The following RNF157 variants were observed in gnomAD, a reference collection of about 807,000 sequenced individuals.
RNF157 encodes the protein E3 ubiquitin ligase RNF157.
RNF157 carries 55 observed loss-of-function variants against 88.3 expected under a neutral mutation model. The observed-to-expected ratio is 0.62, with a 90% confidence interval of 0.50 to 0.78. The LOEUF (loss-of-function observed/expected upper bound fraction) is 0.78. Ranked by LOEUF, RNF157 falls within the 30% of genes least tolerant of loss-of-function variation. The pLI is 0.00. For synonymous variants in RNF157, 334 were observed against 341.2 expected, an observed-to-expected ratio of 0.98 and a Z score of 0.23; for missense variants, 788 against 860.8, an observed-to-expected ratio of 0.92 and a Z score of 1.06.
intron 1 of RNF157, among the ~76,000 whole-genome samples, chr17:76,228,751 CCT>C (rs1397624678): frequency 2.6e-5 from 4 of 151,642 alleles, no homozygotes; most frequent in East Asian, 3.9e-4. Flanking sequence ...GGTGAAACCC[CCT>C]CTCTACTAAA....
At chr17:76,194,234 T>C (rs1243002616) in intron 2 of RNF157, among the ~76,000 whole-genome samples, 2 of 152,198 alleles carry the variant, frequency 1.3e-5, no homozygotes, top group Non-Finnish European at 2.9e-5. Flanking sequence ...AACTCCTCCA[T>C]GCACCCCAGT....
At position 76,226,448 on chromosome 17, in the gene RNF157, C is replaced by T; in HGVS notation, c.88+13705G>A. 6 of 1,601,936 alleles carry T rather than the reference C, an allele frequency of 3.7e-6. No individual in the cohort carries two copies. In the South Asian group the frequency reaches 5.5e-5, roughly 15 times the overall value. ...CTGGACTAGGGGGGCAAAGAGATTACAAGTGTCATCCAACGTGGTCAAAAG... is the reference window on the plus strand; with the variant it reads ...CTGGACTAGGGGGGCAAAGAGATTATAAGTGTCATCCAACGTGGTCAAAAG... On this transcript the variant is annotated intron_variant, in intron 1 of 18. Transcript: ENST00000269391.
intron 4 of RNF157, 29 bp downstream of exon 4, chr17:76,167,622 A>G (rs904856661): frequency 1.9e-6 from 3 of 1,613,198 alleles, no homozygotes; most frequent in East Asian, 2.2e-5. Context: ...TCTGGGAAGG[A>G]AGTGGCTCTC....
chr17:76,208,929 G>A (rs1479424803), intron 2 of RNF157, among the ~76,000 whole-genome samples: 4 of 151,380 alleles, frequency 2.6e-5, no homozygotes, highest in African/African-American at 9.7e-5. Context: ...AGCCAAGATC[G>A]TGCCACTGCA....
At chr17:76,230,935 C>CT (rs149390437) in intron 1 of RNF157, among the ~76,000 whole-genome samples, 5,588 of 132,612 alleles carry the variant, frequency 0.042, 194 homozygotes, top group African/African-American at 0.093. Context: ...AAGATTTAAT[C>CT]TTTTTTTTTT....
intron 5 of RNF157, 135 bp downstream of exon 5, chr17:76,166,874 T>G (rs2068933940): frequency 1.5e-6 from 1 of 665,734 alleles, no homozygotes; most frequent in Admixed American, 2.5e-5. Flanking sequence ...TAAAAGGACA[T>G]GATGAAGTCA....
Position 76,155,689 on chromosome 17 carries a change from G to T in RNF157, c.1571C>A (p.Ser524Tyr). Residue 524 changes from serine to tyrosine, a missense_variant, in exon 15 of 19, where the codon TCC (serine) becomes TAC (tyrosine). Physicochemically the swap from Ser to Tyr is moderately radical, Grantham distance 144. Coordinates refer to ENST00000269391, the MANE Select transcript of RNF157 (RefSeq NM_052916.3). ...GACGGTGTCAGTGCTGATCTGGGAG[G>T]ATGCCATGGACATGACAGACTGGGC... Reference protein sequence around the residue: ...SLAQSVMSMASSQISTDTVSS... With the variant: ...SLAQSVMSMAYSQISTDTVSS... The T allele has an allele frequency of 6.2e-7, 1 of 1,610,312 alleles. No homozygotes were observed. The highest frequency in any genetic ancestry group is 8.5e-7 in the Non-Finnish European group (1 of 1,178,348).
At chr17:76,224,254 C>T (rs552245967) in intron 1 of RNF157, among the ~76,000 whole-genome samples, 1 of 152,164 alleles carries the variant, frequency 6.6e-6, no homozygotes, top group East Asian at 1.9e-4. Flanking sequence ...GGACATATTC[C>T]TAATACCACA....
chr17:76,148,842 T>C (rs1426812207), intron 18 of RNF157, among the ~76,000 whole-genome samples: 1 of 152,204 alleles, frequency 6.6e-6, no homozygotes, highest in Non-Finnish European at 1.5e-5. Context: ...AATGCTGGGA[T>C]TACAGGCGTG....
At chr17:76,181,106 C>G (rs2069181579) in intron 2 of RNF157, among the ~76,000 whole-genome samples, 1 of 152,158 alleles carries the variant, frequency 6.6e-6, no homozygotes. Context: ...ACAATTTGAA[C>G]CCAGGTACAT....
intron 1 of RNF157, among the ~76,000 whole-genome samples, chr17:76,220,545 C>T (rs1217637904): frequency 6.6e-6 from 1 of 152,086 alleles, no homozygotes; most frequent in Non-Finnish European, 1.5e-5. Context: ...TGAGGGGAGG[C>T]CGGGTACCAT....
rs78384939 is a variant in RNF157 at position 76,174,126 on chromosome 17, G to A, written c.208-336C>T. On this transcript the variant is annotated intron_variant, in intron 2 of 18. Transcript: ENST00000269391. Reference sequence around the variant, plus strand: ...AAATACCAAAGGACACACTGTGGCCGAGTTAATCACAAAAGGCTTTTCCAT... The same window carrying A: ...AAATACCAAAGGACACACTGTGGCCAAGTTAATCACAAAAGGCTTTTCCAT... Among the ~76,000 whole-genome samples, 797 of 151,538 alleles carry A rather than the reference G, an allele frequency of 5.3e-3. 5 individuals are homozygous for A. The highest frequency in any genetic ancestry group is 0.018 in the African/African-American group (758 of 41,296).
At chr17:76,236,026 AT>A (rs977061225) in intron 1 of RNF157, among the ~76,000 whole-genome samples, 14 of 152,126 alleles carry the variant, frequency 9.2e-5, no homozygotes, top group African/African-American at 2.4e-5. Context: ...AAATTATTTA[AT>A]TTTTTAAAAT....
At chr17:76,171,037 T>C (rs941052786) in intron 3 of RNF157, among the ~76,000 whole-genome samples, 3 of 151,756 alleles carry the variant, frequency 2.0e-5, no homozygotes, top group African/African-American at 7.3e-5. Context: ...GGATTACAGG[T>C]GCCTGCCACC....
chr17:76,175,768 G>C, intron 2 of RNF157: 2 of 985,042 alleles, frequency 2.0e-6, no homozygotes, highest in South Asian at 4.7e-5. Flanking sequence ...AAAAAAAGAT[G>C]CGTCTTTTCC....
At chr17:76,164,683 G>A in intron 8 of RNF157, 65 bp downstream of exon 8, 5 of 925,622 alleles carry the variant, frequency 5.4e-6, no homozygotes, top group South Asian at 1.9e-5. Context: ...GAGAGAAGAA[G>A]AAAGGAAAGA....
chr17:76,230,562 G>T (rs552998535), intron 1 of RNF157, among the ~76,000 whole-genome samples: 1 of 152,206 alleles, frequency 6.6e-6, no homozygotes, highest in African/African-American at 2.4e-5. Flanking sequence ...ATACTGAGCC[G>T]GGCATGGTGG....
In RNF157 at chr17:76,204,782, CT is replaced by C. The variant is rs577037374; in HGVS notation, c.207+7581del. On this transcript the variant is annotated intron_variant, in intron 2 of 18. Coordinates refer to ENST00000269391, the MANE Select transcript of RNF157 (RefSeq NM_052916.3). ...TCTTATTTCTTTTCTTTCTTTCTTT[CT>C]TTTTTTTTTTTTTGAGACTGAGTCT... Among the ~76,000 whole-genome samples, 437 of 139,608 alleles carry C rather than the reference CT, an allele frequency of 3.1e-3. 1 individual carries two copies. The highest frequency in any genetic ancestry group is 5.4e-3 in the African/African-American group (199 of 36,688). The allele number at this position is 139,608 out of a possible 152,430, so 91.6% of individuals were successfully genotyped here. A position where few individuals can be genotyped will look rare whatever the true frequency, so the allele number is the denominator to read the frequency against.
At chr17:76,150,247 C>T (rs926831862) in intron 18 of RNF157, among the ~76,000 whole-genome samples, 10 of 152,194 alleles carry the variant, frequency 6.6e-5, no homozygotes, top group African/African-American at 2.2e-4. Flanking sequence ...GGCCCTCTCC[C>T]GAGAGCCAAC....
Sources: allele counts gnomAD v4.1 joint callset (sites outside exome capture counted in the v4.1 genomes callset), GRCh38; gene constraint gnomAD v4.1.1; transcripts MANE v1.5; gene names NCBI Gene and HGNC (gene_info 2026-07-23, HGNC 2026-07-21).